Variants in KHK observed in about 807,000 individuals in gnomAD.
KHK encodes the protein ketohexokinase, also known as fructokinase.
In KHK, 37 loss-of-function variants were observed where a neutral mutation model predicts 36.0. The observed-to-expected ratio is 1.03, with a 90% CI of 0.79 to 1.35. The LOEUF (loss-of-function observed/expected upper bound fraction) is 1.35, where lower values mean the gene tolerates loss of function less well. Among genes scored for constraint, KHK ranks in the 40% most tolerant of loss-of-function variants. KHK has a pLI of 0.00. For missense variants in KHK, 395 were observed against 391.9 expected, an observed-to-expected ratio of 1.01 and a Z score of -0.07; for synonymous variants, 161 against 162.8, an observed-to-expected ratio of 0.99 and a Z score of 0.08.
In KHK at chr2:27,099,972, T is replaced by G. The variant is rs537377728; in HGVS notation, c.*222T>G. On this transcript the variant is annotated 3_prime_UTR_variant, in exon 8 of 8. Coordinates refer to ENST00000260598, the MANE Select transcript of KHK (RefSeq NM_006488.3). ...CAAATAAATCTTCCTCAGAGCCAGC[T>G]TCTCCTCTCAATGTCTGAACTGCTC... The G allele has an allele frequency of 1.0e-6, 1 of 967,524 alleles. No homozygotes were observed. Among genetic ancestry groups the G allele is most frequent in the African/African-American group, 1.7e-5 (1 of 60,288 alleles). 59.9% of individuals were successfully genotyped at this position (967,524 alleles called of 1,614,324 possible).
chr2:27,099,052 C>T (rs780774950), intron 5 of KHK, 144 bp from the exon 6 acceptor site: 22 of 810,472 alleles, frequency 2.7e-5, no homozygotes, highest in East Asian at 7.4e-5. Context: ...AAGAAAACCA[C>T]GTTCCCGTGG....
At chr2:27,092,212 G>C (rs1052608599) in intron 1 of KHK, 120 bp from the exon 2 acceptor site, 2 of 845,350 alleles carry the variant, frequency 2.4e-6, no homozygotes, top group Admixed American at 1.7e-5. Context: ...AAAGTGAGAC[G>C]TCGGCCTAGA....
At chr2:27,089,796 C>A (rs963974084) in intron 1 of KHK, among the ~76,000 whole-genome samples, 1 of 152,202 alleles carries the variant, frequency 6.6e-6, no homozygotes, top group Admixed American at 6.5e-5. Flanking sequence ...GCTTGACAGG[C>A]AGTTGGGGAC....
intron 2 of KHK, among the ~76,000 whole-genome samples, 183 bp downstream of exon 2, chr2:27,092,631 C>T (rs531523018): frequency 1.6e-4 from 25 of 152,322 alleles, no homozygotes; most frequent in African/African-American, 5.5e-4. Context: ...CTCTGCGGTT[C>T]GGGGGCTGAT....
intron 2 of KHK, chr2:27,094,371 G>T: frequency 7.4e-7 from 1 of 1,360,386 alleles, no homozygotes; most frequent in Non-Finnish European, 1.0e-6. Context: ...AGCCCCCTTT[G>T]CTTGCACCCC....
In KHK at chr2:27,099,798, G is replaced by A; in HGVS notation, c.*48G>A. 6.3e-7 allele frequency: 1 copy of A among 1,597,834 alleles called. No individual in the cohort carries two copies. Among genetic ancestry groups the A allele is most frequent in the Non-Finnish European group, 8.5e-7 (1 of 1,172,450 alleles). ...CACCATGGAGACTACCATTGCGGCT[G>A]CATCGCCTTCTCCCCTCCATCCAGC... is the stretch of plus-strand genomic sequence containing the variant. On this transcript the variant is annotated 3_prime_UTR_variant, in exon 8 of 8. Coordinates refer to ENST00000260598, the MANE Select transcript of KHK (RefSeq NM_006488.3).
At chr2:27,095,316 G>T (rs891168688) in intron 3 of KHK, among the ~76,000 whole-genome samples, 5 of 151,898 alleles carry the variant, frequency 3.3e-5, no homozygotes, top group African/African-American at 1.2e-4. Flanking sequence ...TTCTTAAGAA[G>T]GGCTGTGGGG....
intron 1 of KHK, among the ~76,000 whole-genome samples, chr2:27,091,575 T>C (rs751959182): frequency 6.6e-6 from 1 of 152,202 alleles, no homozygotes; most frequent in African/African-American, 2.4e-5. Flanking sequence ...ACAATAGAAA[T>C]AACACCACCA....
At chr2:27,093,463 C>T (rs1010035797) in intron 2 of KHK, among the ~76,000 whole-genome samples, 1 of 152,132 alleles carries the variant, frequency 6.6e-6, no homozygotes, top group Non-Finnish European at 1.5e-5. Context: ...CCCATGTGCT[C>T]GACAAACATT....
rs1300461805 is a variant in KHK, at chr2:27,099,237, G to A, written c.606G>A (p.Gln202=). 1 of 1,614,194 alleles carries A rather than the reference G, an allele frequency of 6.2e-7. No individual in the cohort carries two copies. The change falls in exon 6 of 8, where the codon CAG becomes CAA. Residue 202 remains glutamine (Q), a synonymous_variant. Coordinates refer to ENST00000260598, the MANE Select transcript of KHK (RefSeq NM_006488.3). Reference sequence around the variant, plus strand: ...ATGTGGCCAAGCACTTGGGGTTCCAGTCAGCAGAGGAAGCCTTGAGGGGCT... The same window carrying A: ...ATGTGGCCAAGCACTTGGGGTTCCAATCAGCAGAGGAAGCCTTGAGGGGCT... ...SKDVAKHLGF[Q]SAEEALRGLY...
rs761476412 is a variant in KHK at position 27,099,481 on chromosome 2, T to C, written c.715T>C (p.Leu239=). ...GADALGPDGK[L]LHSDAFPPPR... ...CGACGCCCTGGGCCCTGATGGCAAA[T>C]TGCTCCACTCGGATGCTTTCCCGCC... The change falls in exon 7 of 8, where the codon TTG becomes CTG. Residue 239 remains leucine, a synonymous_variant. Coordinates refer to ENST00000260598, the MANE Select transcript of KHK (RefSeq NM_006488.3). The C allele has an allele frequency of 2.5e-6, 4 of 1,613,936 alleles. No individual in the cohort carries two copies. The highest frequency in any genetic ancestry group is 1.7e-5 in the Admixed American group (1 of 59,992).
chr2:27,093,728 A>C (rs940229148), intron 2 of KHK, among the ~76,000 whole-genome samples: 3 of 152,186 alleles, frequency 2.0e-5, no homozygotes, highest in Non-Finnish European at 4.4e-5. Flanking sequence ...GCACAGAACA[A>C]TGCCTGTCCA....
At chr2:27,087,431 AC>A in intron 1 of KHK, 80 bp downstream of exon 1, 1 of 1,150,294 alleles carries the variant, frequency 8.7e-7, no homozygotes, top group Non-Finnish European at 1.3e-6. Context: ...GGCTGCAGAG[AC>A]CCCGCAGTGA....
chr2:27,092,153 G>A (rs6754356), intron 1 of KHK, among the ~76,000 whole-genome samples, 179 bp from the exon 2 acceptor site: 79,067 of 152,172 alleles, frequency 0.52, 22,363 homozygotes, highest in East Asian at 0.76. Flanking sequence ...GGTAGACACC[G>A]CTCTCAGCCA....
Position 27,100,630 on chromosome 2 carries a change from C to G in KHK, c.*880C>G. ...CTGCCATTTAATTAGCTGCATATCA[C>G]CTTAGGGTACAGCACTTAACGCAAT... On this transcript the variant is annotated 3_prime_UTR_variant, in exon 8 of 8. Transcript: ENST00000260598. 3.5e-6 allele frequency: 4 copies of G among 1,147,724 alleles called. No homozygotes were observed. The highest frequency in any genetic ancestry group is 4.6e-6 in the Non-Finnish European group (4 of 873,340). The allele number at this position is 1,147,724 out of a possible 1,614,324, so 71.1% of individuals were successfully genotyped here.
chr2:27,097,412 C>T, intron 4 of KHK, 91 bp from the exon 5 acceptor site: 1 of 1,569,960 alleles, frequency 6.4e-7, no homozygotes, highest in Non-Finnish European at 8.7e-7. Context: ...GGCCCTCTCC[C>T]TCCTCACCCA....
intron 7 of KHK, 21 bp downstream of exon 7, chr2:27,099,598 G>A (rs1342080670): frequency 1.2e-6 from 2 of 1,614,136 alleles, no homozygotes; most frequent in Admixed American, 1.7e-5. Flanking sequence ...CAGCAGGAGG[G>A]GAAAAGGACT....
At chr2:27,087,867 A>G (rs1558439809) in intron 1 of KHK, 2 of 152,554 alleles carry the variant, frequency 1.3e-5, no homozygotes, top group Non-Finnish European at 2.9e-5. Flanking sequence ...AGACCATGGT[A>G]TTTGAGCTTC....
chr2:27,097,730 T>C, intron 5 of KHK, 81 bp downstream of exon 5: 1 of 1,580,166 alleles, frequency 6.3e-7, no homozygotes, highest in Non-Finnish European at 8.7e-7. Flanking sequence ...TTATCCTGCC[T>C]ACCACAATTG....
Sources: gnomAD v4.1 joint callset for allele counts (sites outside exome capture counted in the v4.1 genomes callset) on GRCh38, gnomAD v4.1.1 for gene constraint, MANE v1.5 for transcripts, NCBI Gene and HGNC (gene_info 2026-07-23, HGNC 2026-07-21) for gene names.